The following UMAD1 variants were observed in gnomAD, a reference collection of about 807,000 sequenced individuals.
The protein encoded by UMAD1 is UBAP1-MVB12-associated (UMA) domain containing 1, also known as UBAP1-MVB12-associated (UMA)-domain containing protein 1.
Under a neutral mutation model 6.1 loss-of-function variants are expected in UMAD1, and 8 were observed. That is an observed-to-expected ratio of 1.30 (90% CI 0.76 to 2.35). The LOEUF (loss-of-function observed/expected upper bound fraction) is 2.35. Ranked by LOEUF, UMAD1 falls within the 30% of genes most tolerant of loss-of-function variation. UMAD1 has a pLI of 0.00. For synonymous variants in UMAD1, 56 were observed against 31.4 expected (o/e 1.78, Z -2.61); for missense variants, 130 against 78.4 (o/e 1.66, Z -2.49).
In UMAD1 at chr7:7,665,193, A is replaced by T. The variant is rs553917727; in HGVS notation, c.-63-8116A>T. Among the ~76,000 whole-genome samples the T allele has an allele frequency of 2.0e-5, 3 of 152,334 alleles. No individual in the cohort carries two copies. In the East Asian group the frequency reaches 5.8e-4, roughly 29 times the overall value. On this transcript the variant is annotated intron_variant, in intron 1 of 3. Transcript: ENST00000682710. ...ATGTTGCCTAATCCTTTTGTCATGGATAATATTACTTAAAAGGGAAGCCTT... is the reference window on the plus strand; with the variant it reads ...ATGTTGCCTAATCCTTTTGTCATGGTTAATATTACTTAAAAGGGAAGCCTT...
At chr7:7,736,072 A>G (rs955325272) in intron 2 of UMAD1, 1 of 152,294 alleles carries the variant, frequency 6.6e-6, no homozygotes, top group Non-Finnish European at 1.5e-5. Context: ...AGTGAAATGC[A>G]TGAAATGCAG....
chr7:7,815,594 A>G (rs1783110570), intron 3 of UMAD1, among the ~76,000 whole-genome samples: 1 of 152,166 alleles, frequency 6.6e-6, no homozygotes, highest in South Asian at 2.1e-4. Flanking sequence ...CAAGTTAGCT[A>G]TTGCAGCTCC....
intron 2 of UMAD1, among the ~76,000 whole-genome samples, chr7:7,791,791 G>A (rs759560550): frequency 1.3e-5 from 2 of 152,172 alleles, no homozygotes; most frequent in Non-Finnish European, 2.9e-5. Context: ...TAACTATTCA[G>A]TGTGGCCCAA....
At chr7:7,822,479 G>A (rs1451266273) in intron 3 of UMAD1, among the ~76,000 whole-genome samples, 1 of 151,768 alleles carries the variant, frequency 6.6e-6, no homozygotes, top group Non-Finnish European at 1.5e-5. Context: ...AGCATGAAAT[G>A]AGAGAGCGCT....
At chr7:7,669,795 A>C (rs1191147752) in intron 1 of UMAD1, among the ~76,000 whole-genome samples, 1 of 152,136 alleles carries the variant, frequency 6.6e-6, no homozygotes, top group East Asian at 1.9e-4. Context: ...AACTGTCTGA[A>C]ATTATCCAAA....
chr7:7,813,358 C>T (rs1783061239), intron 3 of UMAD1, among the ~76,000 whole-genome samples: 1 of 152,182 alleles, frequency 6.6e-6, no homozygotes, highest in South Asian at 2.1e-4. Flanking sequence ...GCATGCGACA[C>T]CACGCCTGGC....
chr7:7,800,543 G>A (rs879900632), intron 2 of UMAD1, among the ~76,000 whole-genome samples: 3 of 151,868 alleles, frequency 2.0e-5, no homozygotes, highest in Non-Finnish European at 4.4e-5. Flanking sequence ...CCCATCACCT[G>A]AGCGGTGTAC....
intron 3 of UMAD1, among the ~76,000 whole-genome samples, chr7:7,827,791 T>C (rs1412231113): frequency 6.6e-6 from 1 of 152,166 alleles, no homozygotes; most frequent in African/African-American, 2.4e-5. Flanking sequence ...AAAGATGAAG[T>C]TCTACCTCCA....
chr7:7,799,111 T>TG (rs1051146687), intron 2 of UMAD1, among the ~76,000 whole-genome samples: 7 of 152,352 alleles, frequency 4.6e-5, no homozygotes, highest in Non-Finnish European at 7.3e-5. Flanking sequence ...AACTTTTATA[T>TG]GGATTAGAGA....
At chr7:7,666,858 T>G (rs1207527316) in intron 1 of UMAD1, among the ~76,000 whole-genome samples, 3 of 152,120 alleles carry the variant, frequency 2.0e-5, no homozygotes, top group Non-Finnish European at 4.4e-5. Context: ...CAGGCTGGAG[T>G]GCAATGGTGG....
At chr7:7,684,018 C>A (rs1192890099) in intron 2 of UMAD1, among the ~76,000 whole-genome samples, 8 of 152,212 alleles carry the variant, frequency 5.3e-5, no homozygotes, top group Non-Finnish European at 1.2e-4. Context: ...CATTGACGCT[C>A]AACGCTCTGA....
intron 2 of UMAD1, among the ~76,000 whole-genome samples, chr7:7,729,904 C>G (rs1471826969): frequency 6.6e-6 from 1 of 152,212 alleles, no homozygotes; most frequent in Non-Finnish European, 1.5e-5. Flanking sequence ...CACTCGTTCA[C>G]TGAATTCATT....
At chr7:7,645,817 A>AT (rs34158584) in intron 1 of UMAD1, among the ~76,000 whole-genome samples, 51,416 of 145,332 alleles carry the variant, frequency 0.35, 9,115 homozygotes, top group African/African-American at 0.4. Flanking sequence ...TTTGTTTAGG[A>AT]TTTTTTTTTT....
intron 3 of UMAD1, among the ~76,000 whole-genome samples, chr7:7,850,047 C>G (rs759014911): frequency 2.0e-5 from 3 of 151,998 alleles, no homozygotes; most frequent in African/African-American, 4.8e-5. Context: ...CCTTCATGCC[C>G]AGTATAAGTC....
rs1040783680 is a variant in UMAD1, at chr7:7,742,145, A to G, written c.83-59525A>G. ...CATCGTAATCAGGAGGCAGTTGAAT[A>G]TATGCCTTCTCTCCATCAGGCCGAA... On this transcript the variant is annotated intron_variant, in intron 2 of 3. Transcript: ENST00000682710. 1.7e-5 allele frequency: 11 copies of G among 644,398 alleles called. No homozygotes were observed. The Admixed American group carries it at 2.0e-4, about 12-fold the overall frequency. The allele number at this position is 644,398 out of a possible 1,614,324, so 39.9% of individuals were successfully genotyped here. A position where few individuals can be genotyped will look rare whatever the true frequency, so the allele number is the denominator to read the frequency against.
At chr7:7,861,605 G>A (rs770191155) in intron 3 of UMAD1, among the ~76,000 whole-genome samples, 14 of 152,026 alleles carry the variant, frequency 9.2e-5, no homozygotes, top group Non-Finnish European at 2.1e-4. Context: ...CATAATTTCT[G>A]TACTCAGTTT....
At chr7:7,649,468 C>T (rs1341233274) in intron 1 of UMAD1, among the ~76,000 whole-genome samples, 1 of 152,220 alleles carries the variant, frequency 6.6e-6, no homozygotes, top group Non-Finnish European at 1.5e-5. Flanking sequence ...AACACTGTTG[C>T]ATTGGCAATT....
intron 2 of UMAD1, among the ~76,000 whole-genome samples, chr7:7,790,706 G>A (rs902760651): frequency 1.3e-5 from 2 of 152,220 alleles, no homozygotes; most frequent in African/African-American, 2.4e-5. Context: ...AATTAAGGCA[G>A]TAATTTCTCA....
chr7:7,778,294 G>GAGAGAGAC, intron 2 of UMAD1, among the ~76,000 whole-genome samples: 1 of 150,674 alleles, frequency 6.6e-6, no homozygotes, highest in East Asian at 1.9e-4. Flanking sequence ...GAGAGAGAGA[G>GAGAGAGAC]AGACAGAGAG....
Sources: allele counts gnomAD v4.1 joint callset (sites outside exome capture counted in the v4.1 genomes callset), GRCh38; gene constraint gnomAD v4.1.1; transcripts MANE v1.5; gene names NCBI Gene and HGNC (gene_info 2026-07-23, HGNC 2026-07-21).